Variants in JAK2 observed in about 807,000 individuals in gnomAD.
JAK2 encodes tyrosine-protein kinase JAK2.
In JAK2, 86 loss-of-function variants were observed where a neutral mutation model predicts 139.3. The ratio of observed to expected loss-of-function variants is 0.62; its 90% CI spans 0.52 to 0.74. The LOEUF (loss-of-function observed/expected upper bound fraction) is 0.74. Ranked by LOEUF, JAK2 falls within the 30% of genes least tolerant of loss-of-function variation. The pLI, the probability that JAK2 is intolerant of heterozygous loss-of-function variation, is 0.00. For missense variants in JAK2, 1,421 were observed against 1,360.3 expected (o/e 1.04, Z -0.70); for synonymous variants, 490 against 437.7 (o/e 1.12, Z -1.49).
chr9:5,093,146 A>C (rs1820715278), intron 22 of JAK2, among the ~76,000 whole-genome samples: 1 of 152,230 alleles, frequency 6.6e-6, no homozygotes, highest in Admixed American at 6.5e-5. Context: ...AGACTGGAAT[A>C]ACCCACTGAC....
chr9:5,010,324 A>G (rs1402028813), intron 2 of JAK2, among the ~76,000 whole-genome samples: 1 of 149,610 alleles, frequency 6.7e-6, no homozygotes, highest in Non-Finnish European at 1.5e-5. Flanking sequence ...AACAATTGTC[A>G]GTTGTCTTTT....
rs370595467 is a variant in JAK2, at chr9:5,111,831, G to C, written c.3060-11173G>C. 1.4e-4 allele frequency: 58 copies of C among 409,020 alleles called. No individual in the cohort carries two copies. The East Asian group carries it at 3.4e-3, about 24-fold the overall frequency. 25.3% of individuals were successfully genotyped at this position (409,020 alleles called of 1,614,324 possible). A position where few individuals can be genotyped will look rare whatever the true frequency, so the allele number is the denominator to read the frequency against. ...ACGTAGGCGGCGTCTCCAGCCACAC[G>C]CCTGTCGGCGGGGCCGACAACCTCC... is the stretch of plus-strand genomic sequence containing the variant. On this transcript the variant is annotated intron_variant, in intron 22 of 24. Transcript: ENST00000381652.
chr9:5,085,750 T>A (rs772032416), intron 19 of JAK2: 2 of 754,930 alleles, frequency 2.6e-6, no homozygotes, highest in African/African-American at 3.4e-5. Flanking sequence ...GCGCGCTGGC[T>A]AGCTTGCACA....
At position 5,063,167 on chromosome 9, in the gene JAK2, TG is replaced by T. The variant is rs1818307263; in HGVS notation, c.1057-1713del. On this transcript the variant is annotated intron_variant, in intron 8 of 24. Transcript: ENST00000381652. The stretch of plus-strand genomic sequence containing the variant: ...TGATTATGTAAATATTGTTCATTGC[TG>T]GGCCAAGAAATATGCTGTAATCACA... Among the ~76,000 whole-genome samples the T allele has an allele frequency of 2.0e-5, 3 of 152,194 alleles. No individual in the cohort carries two copies. In the South Asian group the frequency reaches 6.2e-4, roughly 31 times the overall value.
chr9:5,123,453 C>A (rs1283470281), intron 23 of JAK2, among the ~76,000 whole-genome samples: 1 of 151,920 alleles, frequency 6.6e-6, no homozygotes, highest in East Asian at 1.9e-4. Context: ...TAATTACCTC[C>A]ATCCATGTTG....
At chr9:5,080,983 C>A (rs1819657776) in intron 18 of JAK2, among the ~76,000 whole-genome samples, 1 of 150,346 alleles carries the variant, frequency 6.7e-6, no homozygotes, top group Non-Finnish European at 1.5e-5. Context: ...GCAAGCTCCA[C>A]CTCCAAGGTT....
At chr9:5,112,511 T>C (rs1041224656) in intron 22 of JAK2, 8 of 560,138 alleles carry the variant, frequency 1.4e-5, no homozygotes, top group Non-Finnish European at 1.9e-5. Context: ...GATGACCTTT[T>C]CCCCCCAGAG....
chr9:5,022,754 T>C (rs1397170831), intron 3 of JAK2, among the ~76,000 whole-genome samples: 2 of 152,206 alleles, frequency 1.3e-5, no homozygotes, highest in African/African-American at 4.8e-5. Context: ...CAGAGAACTC[T>C]TTCTATAGAG....
At chr9:4,994,490 A>T (rs1413921448) in intron 2 of JAK2, among the ~76,000 whole-genome samples, 1 of 152,204 alleles carries the variant, frequency 6.6e-6, no homozygotes, top group African/African-American at 2.4e-5. Context: ...TCTGGGGCCT[A>T]GATTGTGAGA....
chr9:5,006,627 C>CAACAGGAA (rs1172405715), intron 2 of JAK2, among the ~76,000 whole-genome samples: 1 of 152,072 alleles, frequency 6.6e-6, no homozygotes, highest in Admixed American at 6.6e-5. Flanking sequence ...CTTCATACAG[C>CAACAGGAA]AACAGGAAAG....
chr9:5,009,867 C>A (rs1180851096), intron 2 of JAK2, among the ~76,000 whole-genome samples: 1 of 151,740 alleles, frequency 6.6e-6, no homozygotes, highest in Admixed American at 6.6e-5. Context: ...AACTCATAAG[C>A]TTAAGCCGTC....
At chr9:4,989,090 C>T (rs1820112800) in intron 2 of JAK2, among the ~76,000 whole-genome samples, 1 of 152,122 alleles carries the variant, frequency 6.6e-6, no homozygotes, top group African/African-American at 2.4e-5. Flanking sequence ...ATTCCCTTGC[C>T]CCAAAACCTT....
At chr9:5,038,960 A>G (rs568135072) in intron 4 of JAK2, among the ~76,000 whole-genome samples, 4 of 152,116 alleles carry the variant, frequency 2.6e-5, no homozygotes, top group South Asian at 2.1e-4. Context: ...CCAGCATCCC[A>G]TCATTATAAA....
chr9:5,066,881 G>C, intron 10 of JAK2, 92 bp downstream of exon 10: 1 of 498,310 alleles, frequency 2.0e-6, no homozygotes, highest in Non-Finnish European at 3.4e-6. Context: ...TTTTAATACT[G>C]AGAATTATAG....
intron 2 of JAK2, among the ~76,000 whole-genome samples, chr9:5,008,860 C>T (rs530633128): frequency 2.6e-5 from 4 of 152,166 alleles, no homozygotes; most frequent in East Asian, 3.9e-4. Context: ...AATTGTACTC[C>T]CTGGATTGAT....
chr9:5,082,129 G>C (rs1450740891), intron 19 of JAK2, among the ~76,000 whole-genome samples: 30 of 148,660 alleles, frequency 2.0e-4, no homozygotes, highest in Admixed American at 2.0e-3. Context: ...CAAAAGTATA[G>C]AGAAAGAAAA....
intron 2 of JAK2, among the ~76,000 whole-genome samples, chr9:4,994,365 A>T (rs1341451824): frequency 2.0e-5 from 3 of 152,148 alleles, no homozygotes; most frequent in African/African-American, 7.2e-5. Context: ...TACCTAAAGG[A>T]CTTATTGAAA....
chr9:5,081,625 T>C (rs1819706646), intron 18 of JAK2, 100 bp from the exon 19 acceptor site: 2 of 773,870 alleles, frequency 2.6e-6, no homozygotes, highest in Non-Finnish European at 4.2e-6. Flanking sequence ...CATTTAGTAT[T>C]TTTAACTCAC....
chr9:4,997,892 T>C (rs1820674810), intron 2 of JAK2, among the ~76,000 whole-genome samples: 2 of 152,214 alleles, frequency 1.3e-5, no homozygotes, highest in Non-Finnish European at 2.9e-5. Context: ...TTTCTTATTG[T>C]TTCCTTGTTT....
Sources: allele counts gnomAD v4.1 joint callset (sites outside exome capture counted in the v4.1 genomes callset), GRCh38; gene constraint gnomAD v4.1.1; transcripts MANE v1.5; gene names NCBI Gene and HGNC (gene_info 2026-07-23, HGNC 2026-07-21).